The following MSRA variants were observed in gnomAD, a reference collection of about 807,000 sequenced individuals.
MSRA encodes mitochondrial peptide methionine sulfoxide reductase.
A neutral mutation model predicts 31.3 loss-of-function variants in MSRA; 54 were observed. That is an observed-to-expected ratio of 1.73 (90% CI 1.39 to 2.17). The LOEUF (loss-of-function observed/expected upper bound fraction) is 2.17, where lower values mean the gene tolerates loss of function less well. Among genes scored for constraint, MSRA ranks in the 30% most tolerant of loss-of-function variants. The probability of loss-of-function intolerance (pLI) is 0.00; values close to 1 mark genes in which losing one functional copy is unlikely to be tolerated. For synonymous variants in MSRA, 169 were observed against 116.5 expected, an observed-to-expected ratio of 1.45 and a Z score of -2.90; for missense variants, 507 against 300.9, an observed-to-expected ratio of 1.69 and a Z score of -5.07.
At chr8:10,324,151 C>A (rs1429493636) in intron 5 of MSRA, among the ~76,000 whole-genome samples, 2 of 152,200 alleles carry the variant, frequency 1.3e-5, no homozygotes, top group Non-Finnish European at 2.9e-5. Context: ...GGGCCTCTGG[C>A]CACATGTGGC....
intron 5 of MSRA, among the ~76,000 whole-genome samples, chr8:10,410,018 C>T (rs1054756153): frequency 7.9e-5 from 12 of 152,308 alleles, no homozygotes; most frequent in African/African-American, 2.9e-4. Context: ...TATCGTGGTG[C>T]CACTGCACTC....
At chr8:10,337,867 G>A (rs1803155194) in intron 5 of MSRA, 1 of 699,454 alleles carries the variant, frequency 1.4e-6, no homozygotes, top group Non-Finnish European at 2.6e-6. Flanking sequence ...TTGTAAAGTG[G>A]TCCTCACAAA....
chr8:10,416,036 G>C (rs144406855), intron 5 of MSRA, among the ~76,000 whole-genome samples: 1 of 151,982 alleles, frequency 6.6e-6, no homozygotes, highest in African/African-American at 2.4e-5. Flanking sequence ...AGGAGTCCTC[G>C]TCACTCCCTG....
intron 5 of MSRA, among the ~76,000 whole-genome samples, chr8:10,392,953 T>C (rs1806851951): frequency 7.1e-6 from 1 of 139,882 alleles, no homozygotes; most frequent in African/African-American, 2.7e-5. Flanking sequence ...TCCCAGCTAC[T>C]CGGCAGGCTG....
intron 5 of MSRA, among the ~76,000 whole-genome samples, chr8:10,425,619 CA>C (rs1405852652): frequency 6.6e-6 from 1 of 152,226 alleles, no homozygotes; most frequent in African/African-American, 2.4e-5. Flanking sequence ...GAGGTCTGCA[CA>C]GGTGTGGCCA....
At chr8:10,251,618 C>A (rs944073878) in intron 3 of MSRA, among the ~76,000 whole-genome samples, 1 of 152,166 alleles carries the variant, frequency 6.6e-6, no homozygotes, top group Non-Finnish European at 1.5e-5. Context: ...AAGCAGGCTT[C>A]AAGAGCAGAG....
chr8:10,218,176 T>G (rs1230378794), intron 2 of MSRA, among the ~76,000 whole-genome samples: 3 of 151,224 alleles, frequency 2.0e-5, no homozygotes, highest in East Asian at 1.9e-4. Flanking sequence ...AGAAAGAGTC[T>G]CACTCTGTTG....
chr8:10,249,513 C>T (rs758175027), intron 3 of MSRA, among the ~76,000 whole-genome samples: 1 of 152,130 alleles, frequency 6.6e-6, no homozygotes, highest in Admixed American at 6.5e-5. Flanking sequence ...TTTAAGTAAC[C>T]TATAATCTTC....
intron 3 of MSRA, among the ~76,000 whole-genome samples, chr8:10,246,793 TAACA>T (rs377102258): frequency 1.1e-4 from 17 of 152,248 alleles, no homozygotes; most frequent in African/African-American, 2.9e-4. Flanking sequence ...GAATGTGGTG[TAACA>T]AACAAATATT....
intron 3 of MSRA, among the ~76,000 whole-genome samples, chr8:10,269,904 G>A (rs1585323007): frequency 6.6e-6 from 1 of 151,968 alleles, no homozygotes; most frequent in Non-Finnish European, 1.5e-5. Context: ...GCCCACCTCA[G>A]CCTCCCAAAG....
chr8:10,106,935 C>G (rs1043187762), intron 1 of MSRA, among the ~76,000 whole-genome samples: 3 of 150,782 alleles, frequency 2.0e-5, no homozygotes, highest in African/African-American at 4.9e-5. Context: ...CCCCATCTAT[C>G]CACCTTCCCA....
intron 2 of MSRA, 52 bp from the exon 3 acceptor site, chr8:10,245,052 C>T (rs1797542588): frequency 6.3e-7 from 1 of 1,583,886 alleles, no homozygotes; most frequent in Non-Finnish European, 8.6e-7. Context: ...GTGCAATGAC[C>T]ACTTTGTTTT....
chr8:10,074,230 C>A (rs1396547707), intron 1 of MSRA, among the ~76,000 whole-genome samples: 1 of 151,430 alleles, frequency 6.6e-6, no homozygotes, highest in Non-Finnish European at 1.5e-5. Flanking sequence ...CTACATGCAC[C>A]CGCCACCATG....
At chr8:10,151,261 CAAAAAAAAAAAAAAAA>C (rs34388218) in intron 1 of MSRA, among the ~76,000 whole-genome samples, 1 of 109,146 alleles carries the variant, frequency 9.2e-6, no homozygotes, top group Admixed American at 8.7e-5. Context: ...GAGTCTGTCT[CAAAAAAAAAAAAAAAA>C]AAAAAAAAAA....
chr8:10,121,750 G>A (rs28653100), intron 1 of MSRA, among the ~76,000 whole-genome samples: 46,524 of 151,236 alleles, frequency 0.31, 7,445 homozygotes, highest in African/African-American at 0.39. Flanking sequence ...AGCTTACTAC[G>A]GCTTCAGACT....
intron 1 of MSRA, among the ~76,000 whole-genome samples, chr8:10,143,054 G>A (rs183784728): frequency 8.9e-4 from 135 of 152,202 alleles, no homozygotes; most frequent in African/African-American, 2.9e-3. Flanking sequence ...TTTCACTGGG[G>A]CATGCTTTGA....
intron 1 of MSRA, among the ~76,000 whole-genome samples, chr8:10,159,642 G>A (rs1298204493): frequency 1.4e-5 from 2 of 141,444 alleles, no homozygotes; most frequent in East Asian, 2.5e-4. Context: ...AGGCTTTCTA[G>A]TAAAGTAAAT....
At chr8:10,408,840 T>C (rs1019376289) in intron 5 of MSRA, among the ~76,000 whole-genome samples, 6 of 151,762 alleles carry the variant, frequency 4.0e-5, no homozygotes, top group Admixed American at 6.6e-5. Context: ...GTGTCTGAGT[T>C]ATTTCACTTA....
chr8:10,393,415 A>G (rs922270913), intron 5 of MSRA, among the ~76,000 whole-genome samples: 3 of 152,110 alleles, frequency 2.0e-5, no homozygotes, highest in Non-Finnish European at 4.4e-5. Context: ...TTTAGGGAAA[A>G]CGGGCCTATA....
Sources: allele counts gnomAD v4.1 joint callset (sites outside exome capture counted in the v4.1 genomes callset), GRCh38; gene constraint gnomAD v4.1.1; transcripts MANE v1.5; gene names NCBI Gene and HGNC (gene_info 2026-07-23, HGNC 2026-07-21).